TNRC6B: variants seen among roughly 807,000 people sequenced by gnomAD.
TNRC6B encodes trinucleotide repeat containing adaptor 6B.
TNRC6B carries 52 observed loss-of-function variants against 203.6 expected under a neutral mutation model. The observed-to-expected ratio is 0.26, with a 90% CI of 0.20 to 0.32. TNRC6B has a LOEUF of 0.32. TNRC6B is among the 10% of genes least tolerant of loss of function. TNRC6B has a pLI of 1.00. For missense variants in TNRC6B, 1,923 were observed against 2,286.2 expected (o/e 0.84, Z 3.24); for synonymous variants, 838 against 845.7 (o/e 0.99, Z 0.16).
At position 40,334,029 on chromosome 22, in the gene TNRC6B, C is replaced by T. The variant is rs560081045; in HGVS notation, c.*10788C>T. 6 of 152,728 alleles carry T rather than the reference C, an allele frequency of 3.9e-5. No homozygotes were observed. The highest frequency in any genetic ancestry group is 7.3e-5 in the Non-Finnish European group (5 of 68,028). The allele number at this position is 152,728 out of a possible 1,614,324, so 9.5% of individuals were successfully genotyped here. A position where few individuals can be genotyped will look rare whatever the true frequency, so the allele number is the denominator to read the frequency against. ...TATAAGTGCATGCATATTATCCACC[C>T]ACCTTCTGATTTGGGCACTGTTCAC... On this transcript the variant is annotated 3_prime_UTR_variant, in exon 23 of 23. Coordinates refer to ENST00000454349, the MANE Select transcript of TNRC6B (RefSeq NM_001162501.2).
intron 3 of TNRC6B, among the ~76,000 whole-genome samples, chr22:40,133,975 A>G (rs2068575264): frequency 6.8e-6 from 1 of 147,690 alleles, no homozygotes; most frequent in Non-Finnish European, 1.5e-5. Flanking sequence ...CGTCTCAAAA[A>G]AAAAAAAAAA....
At chr22:40,138,509 G>A (rs776870420) in intron 3 of TNRC6B, among the ~76,000 whole-genome samples, 2 of 152,036 alleles carry the variant, frequency 1.3e-5, no homozygotes, top group Non-Finnish European at 2.9e-5. Context: ...CAGGTGATCC[G>A]CCTGCCTTAG....
chr22:40,115,053 C>T (rs1325852469), intron 1 of TNRC6B, among the ~76,000 whole-genome samples: 1 of 152,192 alleles, frequency 6.6e-6, no homozygotes, highest in Non-Finnish European at 1.5e-5. Flanking sequence ...TGGAAAACTG[C>T]TCAGTTTCCC....
chr22:40,294,672 G>A (rs778425987), intron 12 of TNRC6B, among the ~76,000 whole-genome samples: 7 of 152,274 alleles, frequency 4.6e-5, no homozygotes, highest in South Asian at 2.1e-4. Context: ...ATAAGAATCC[G>A]GTTTGGAACA....
At chr22:40,114,963 G>A (rs974598941) in intron 1 of TNRC6B, among the ~76,000 whole-genome samples, 5 of 152,138 alleles carry the variant, frequency 3.3e-5, no homozygotes, top group African/African-American at 1.2e-4. Flanking sequence ...TTTTGAATAC[G>A]TGTGTACCTG....
At chr22:40,276,135 G>A (rs377584887) in intron 7 of TNRC6B, among the ~76,000 whole-genome samples, 2 of 151,932 alleles carry the variant, frequency 1.3e-5, no homozygotes, top group East Asian at 1.9e-4. Flanking sequence ...ATCACGAGGT[G>A]AGGAGATGGA....
chr22:40,253,102 CT>C (rs67113294), intron 3 of TNRC6B, among the ~76,000 whole-genome samples: 15,742 of 141,754 alleles, frequency 0.11, 2,538 homozygotes, highest in African/African-American at 0.37. Flanking sequence ...TTCTTTTTTT[CT>C]TTTTTTTTTT....
chr22:40,308,201 G>C (rs1273152522), intron 15 of TNRC6B, among the ~76,000 whole-genome samples: 1 of 152,182 alleles, frequency 6.6e-6, no homozygotes, highest in African/African-American at 2.4e-5. Context: ...CTCCATCTCA[G>C]TTTGAGAGTG....
At chr22:40,305,444 C>T (rs757725622) in intron 15 of TNRC6B, among the ~76,000 whole-genome samples, 1 of 152,136 alleles carries the variant, frequency 6.6e-6, no homozygotes, top group African/African-American at 2.4e-5. Context: ...TTTAGAGATA[C>T]GACAGCTTGT....
chr22:40,121,745 C>T (rs1264006033), intron 2 of TNRC6B, among the ~76,000 whole-genome samples: 2 of 152,226 alleles, frequency 1.3e-5, no homozygotes, highest in African/African-American at 4.8e-5. Flanking sequence ...GCCTGCAAAG[C>T]CCCCAACCCT....
chr22:40,198,095 C>G (rs1204622261), intron 1 of TNRC6B, among the ~76,000 whole-genome samples: 2 of 152,028 alleles, frequency 1.3e-5, no homozygotes, highest in Non-Finnish European at 2.9e-5. Context: ...CTTATCAAAG[C>G]TATAACGAAG....
At chr22:40,210,351 A>G (rs1157013923) in intron 1 of TNRC6B, among the ~76,000 whole-genome samples, 1 of 152,192 alleles carries the variant, frequency 6.6e-6, no homozygotes, top group Non-Finnish European at 1.5e-5. Context: ...TCATCCTAAC[A>G]CCAGGCATTG....
intron 1 of TNRC6B, among the ~76,000 whole-genome samples, chr22:40,232,167 T>G (rs1198619483): frequency 6.6e-6 from 1 of 152,240 alleles, no homozygotes; most frequent in Non-Finnish European, 1.5e-5. Context: ...TGTAACTCAG[T>G]AAGATGTGAT....
intron 5 of TNRC6B, among the ~76,000 whole-genome samples, chr22:40,269,874 C>CAAG (rs923950317): frequency 2.6e-5 from 3 of 114,118 alleles, no homozygotes; most frequent in Non-Finnish European, 5.1e-5. Flanking sequence ...GGGGATGGAG[C>CAAG]AAGACTCTGT....
intron 1 of TNRC6B, among the ~76,000 whole-genome samples, chr22:40,188,505 A>G (rs1447544318): frequency 1.3e-5 from 2 of 152,200 alleles, no homozygotes; most frequent in Admixed American, 6.5e-5. Context: ...TGGTGAGCAG[A>G]AATAATGCCC....
In TNRC6B at chr22:40,170,290, A is replaced by AT. The variant is rs575964687; in HGVS notation, c.113+14108_113+14109insT. ...GAAACCCTATCTCAAGGGGGAAAAA[A>AT]ATATATATATATAATATATATTTTA... On this transcript the variant is annotated intron_variant, in intron 4 of 23. Coordinates refer to the TNRC6B transcript ENST00000301923. Among the ~76,000 whole-genome samples the AT allele has an allele frequency of 3.3e-3, 419 of 125,662 alleles. 2 individuals carry two copies. Among genetic ancestry groups the AT allele is most frequent in the Non-Finnish European group, 5.0e-3 (310 of 62,530 alleles). The allele number at this position is 125,662 out of a possible 152,430, so 82.4% of individuals were successfully genotyped here. A position where few individuals can be genotyped will look rare whatever the true frequency, so the allele number is the denominator to read the frequency against.
chr22:40,154,880 T>TATAC (rs2068804838), intron 3 of TNRC6B, among the ~76,000 whole-genome samples: 1 of 66,148 alleles, frequency 1.5e-5, no homozygotes, highest in Non-Finnish European at 2.7e-5. Flanking sequence ...TATATATATA[T>TATAC]ATATATATAT....
At chr22:40,173,307 G>C (rs149708276), upstream of TNRC6B, among the ~76,000 whole-genome samples, 176 of 152,030 alleles carry the variant, frequency 1.2e-3, no homozygotes, top group African/African-American at 4.1e-3. Flanking sequence ...ATGTTGACCA[G>C]GATGGTCTTG....
intron 4 of TNRC6B, among the ~76,000 whole-genome samples, chr22:40,171,795 C>T (rs970013516): frequency 1.3e-5 from 2 of 152,118 alleles, no homozygotes; most frequent in Non-Finnish European, 2.9e-5. Flanking sequence ...GCCTCTATCC[C>T]CTGCTCCCAG....
Sources: allele counts gnomAD v4.1 joint callset (sites outside exome capture counted in the v4.1 genomes callset), GRCh38; gene constraint gnomAD v4.1.1; transcripts MANE v1.5; gene names NCBI Gene and HGNC (gene_info 2026-07-23, HGNC 2026-07-21).